CPED1: variants seen among roughly 807,000 people sequenced by gnomAD.
The protein encoded by CPED1 is cadherin-like and PC-esterase domain-containing protein 1.
A neutral mutation model predicts 128.2 loss-of-function variants in CPED1; 114 were observed. That is an observed-to-expected ratio of 0.89 (90% CI 0.76 to 1.04). CPED1 has a LOEUF of 1.04. Among genes scored for constraint, CPED1 ranks in the 50% least tolerant of loss-of-function variants. The probability of loss-of-function intolerance (pLI) is 0.00; values close to 1 mark genes in which losing one functional copy is unlikely to be tolerated. For missense variants in CPED1, 1,211 were observed against 1,207.1 expected (o/e 1.00, Z -0.05); for synonymous variants, 462 against 426.7 (o/e 1.08, Z -1.02).
At chr7:121,039,404 G>C (rs182125970) in intron 3 of CPED1, among the ~76,000 whole-genome samples, 220 of 151,784 alleles carry the variant, frequency 1.4e-3, no homozygotes, top group African/African-American at 4.8e-3. Context: ...AGCTTATCTT[G>C]TGTATTTCCT....
intron 18 of CPED1, among the ~76,000 whole-genome samples, chr7:121,260,328 C>T (rs1791987199): frequency 6.9e-6 from 1 of 143,994 alleles, no homozygotes; most frequent in African/African-American, 2.6e-5. Context: ...AATTTGGCTG[C>T]TCATCTACAT....
intron 5 of CPED1, among the ~76,000 whole-genome samples, chr7:121,075,313 C>T (rs1171378657): frequency 6.6e-6 from 1 of 152,090 alleles, no homozygotes; most frequent in East Asian, 1.9e-4. Context: ...GTGCTCACTG[C>T]GATAGCAACA....
At chr7:121,283,491 C>T (rs1234742029) in intron 22 of CPED1, among the ~76,000 whole-genome samples, 1 of 152,206 alleles carries the variant, frequency 6.6e-6, no homozygotes, top group Non-Finnish European at 1.5e-5. Flanking sequence ...ATTCCAGCTC[C>T]TGTGCTAAGC....
chr7:121,242,668 G>A (rs7808120), intron 17 of CPED1, among the ~76,000 whole-genome samples: 63,774 of 151,856 alleles, frequency 0.42, 13,833 homozygotes, highest in Middle Eastern at 0.53. Context: ...CAAAGAAAAG[G>A]AAAAAATGGT....
chr7:121,051,725 T>C, intron 4 of CPED1: 1 of 255,236 alleles, frequency 3.9e-6, no homozygotes, highest in Non-Finnish European at 7.6e-6. Context: ...CTAATAACGT[T>C]GTTATGCTGT....
intron 14 of CPED1, among the ~76,000 whole-genome samples, chr7:121,137,377 T>C (rs1434087361): frequency 6.6e-6 from 1 of 152,112 alleles, no homozygotes; most frequent in Non-Finnish European, 1.5e-5. Flanking sequence ...CTTGCTACAT[T>C]GCCCAGGCTG....
intron 3 of CPED1, among the ~76,000 whole-genome samples, chr7:121,017,643 T>G (rs1244336532): frequency 6.6e-6 from 1 of 152,206 alleles, no homozygotes; most frequent in Non-Finnish European, 1.5e-5. Flanking sequence ...TGACTTTCTA[T>G]GGGCACAACA....
At chr7:121,188,077 T>A (rs918954792) in intron 16 of CPED1, among the ~76,000 whole-genome samples, 1 of 152,200 alleles carries the variant, frequency 6.6e-6, no homozygotes. Flanking sequence ...TAAATTTGAT[T>A]GGTATTTTAG....
At chr7:121,282,769 T>C (rs545627666) in intron 22 of CPED1, among the ~76,000 whole-genome samples, 3 of 152,328 alleles carry the variant, frequency 2.0e-5, no homozygotes, top group Admixed American at 6.5e-5. Flanking sequence ...GTGCCTGACC[T>C]TGGGGAGCTA....
At chr7:121,261,788 G>A in intron 18 of CPED1, 1 of 1,500,012 alleles carries the variant, frequency 6.7e-7, no homozygotes, top group Non-Finnish European at 9.0e-7. Context: ...ACTTTAATTG[G>A]GTTTGACCTA....
intron 22 of CPED1, among the ~76,000 whole-genome samples, chr7:121,284,038 T>C (rs968774201): frequency 3.9e-5 from 6 of 152,124 alleles, no homozygotes; most frequent in Non-Finnish European, 8.8e-5. Context: ...TGAGACTGGG[T>C]AATTTATAAA....
At chr7:121,210,087 T>C (rs545415226) in intron 16 of CPED1, among the ~76,000 whole-genome samples, 233 of 152,128 alleles carry the variant, frequency 1.5e-3, no homozygotes, top group African/African-American at 5.2e-3. Context: ...ATCAGAGAAA[T>C]GTAAACCAAA....
intron 5 of CPED1, among the ~76,000 whole-genome samples, chr7:121,073,324 G>A (rs1359045356): frequency 6.6e-6 from 1 of 152,118 alleles, no homozygotes; most frequent in Non-Finnish European, 1.5e-5. Flanking sequence ...TGAGTAGATT[G>A]AGGAGATGGA....
chr7:121,201,432 T>A lies in CPED1; in HGVS notation c.2056-35282T>A, dbSNP rs144594815. The stretch of plus-strand genomic sequence containing the variant: ...GGGCAAAAGGGTGTGTGAGATGTCA[T>A]CAAGAAAGAAAGAGAAAGAGAGAAA... On this transcript the variant is annotated intron_variant, in intron 16 of 22. Transcript: ENST00000310396. Among the ~76,000 whole-genome samples the A allele has an allele frequency of 4.4e-4, 60 of 137,206 alleles. No individual in the cohort carries two copies. In the East Asian group the frequency reaches 0.012, roughly 28 times the overall value. The allele number at this position is 137,206 out of a possible 152,430, so 90.0% of individuals were successfully genotyped here.
At chr7:121,243,129 A>G (rs1240371244) in intron 17 of CPED1, among the ~76,000 whole-genome samples, 1 of 152,142 alleles carries the variant, frequency 6.6e-6, no homozygotes, top group Admixed American at 6.5e-5. Context: ...CTAACTCAAG[A>G]ACTATCTGGG....
chr7:121,002,526 T>A (rs1363751619), intron 2 of CPED1, among the ~76,000 whole-genome samples: 1 of 152,156 alleles, frequency 6.6e-6, no homozygotes, highest in Non-Finnish European at 1.5e-5. Context: ...AAACTCCCAA[T>A]CATACAAGCT....
At chr7:121,183,234 C>T (rs939545777) in intron 16 of CPED1, among the ~76,000 whole-genome samples, 17 of 152,076 alleles carry the variant, frequency 1.1e-4, no homozygotes, top group African/African-American at 4.1e-4. Context: ...TTTAGAAATC[C>T]TTTTTCACAA....
intron 7 of CPED1, among the ~76,000 whole-genome samples, chr7:121,100,362 G>C (rs1794819437): frequency 6.6e-6 from 1 of 152,056 alleles, no homozygotes; most frequent in Non-Finnish European, 1.5e-5. Context: ...ACTTATTACA[G>C]AGCTAGTTCA....
chr7:121,092,362 C>T (rs1035994267), intron 5 of CPED1, among the ~76,000 whole-genome samples: 3 of 152,152 alleles, frequency 2.0e-5, no homozygotes, highest in African/African-American at 7.2e-5. Flanking sequence ...CATTTCTGTA[C>T]ATACATCTGG....
Sources: allele counts gnomAD v4.1 joint callset (sites outside exome capture counted in the v4.1 genomes callset), GRCh38; gene constraint gnomAD v4.1.1; transcripts MANE v1.5; gene names NCBI Gene and HGNC (gene_info 2026-07-23, HGNC 2026-07-21).